The following GOLT1A variants were observed in gnomAD, a reference collection of about 807,000 sequenced individuals.
GOLT1A encodes the protein golgi transport 1A.
In GOLT1A, 10 loss-of-function variants were observed where a neutral mutation model predicts 16.1. That is an observed-to-expected ratio of 0.62 (90% CI 0.38 to 1.05). The LOEUF (loss-of-function observed/expected upper bound fraction) is 1.05. Among genes scored for constraint, GOLT1A ranks in the 50% least tolerant of loss-of-function variants. GOLT1A has a pLI of 0.01. For missense variants in GOLT1A, 137 were observed against 165.7 expected (o/e 0.83, Z 0.95); for synonymous variants, 60 against 67.9 (o/e 0.88, Z 0.57).
chr1:204,198,821 A>C, intron 4 of GOLT1A: 1 of 485,798 alleles, frequency 2.1e-6, no homozygotes, highest in South Asian at 3.0e-5. Context: ...ATCAGCTGTC[A>C]TACATTCTCT....
chr1:204,211,210 C>T (rs1659132671), intron 1 of GOLT1A, among the ~76,000 whole-genome samples: 2 of 152,172 alleles, frequency 1.3e-5, no homozygotes, highest in Non-Finnish European at 2.9e-5. Flanking sequence ...AACATACAAC[C>T]TGATCATGTT....
rs1249706924 is a variant in GOLT1A at position 204,209,079 on chromosome 1, C to T, written c.25+4803G>A. 5.3e-5 allele frequency among the ~76,000 whole-genome samples: 8 copies of T among 152,198 alleles called. 1 individual carries two copies. The highest frequency in any genetic ancestry group is 1.2e-4 in the Non-Finnish European group (8 of 68,034). On this transcript the variant is annotated intron_variant, in intron 1 of 4. Transcript: ENST00000308302. ...GTCTGGAACAGCTCCTTGGTCTTTC[C>T]TTGGCATGACCTTGACACTTTTGAA...
chr1:204,211,224 A>C (rs1406745012), intron 1 of GOLT1A, among the ~76,000 whole-genome samples: 2 of 151,962 alleles, frequency 1.3e-5, no homozygotes, highest in Non-Finnish European at 2.9e-5. Context: ...TCATGTTAGC[A>C]TACTGCCTAG....
intron 3 of GOLT1A, among the ~76,000 whole-genome samples, chr1:204,200,892 T>A (rs1658946537): frequency 6.6e-6 from 1 of 152,184 alleles, no homozygotes; most frequent in African/African-American, 2.4e-5. Flanking sequence ...TGTAGACATA[T>A]GAAGTCTTCC....
rs774786008 is a variant in GOLT1A, at chr1:204,204,103, T to C, written c.26-1116A>G. Among the ~76,000 whole-genome samples, 179 of 152,234 alleles carry C rather than the reference T, an allele frequency of 1.2e-3. 7 individuals carry two copies. Among genetic ancestry groups the C allele is most frequent in the Admixed American group, 1.5e-3 (23 of 15,288 alleles). ...ATTTTACTTATCTTTGCCACTATGA[T>C]AGTCAATAAATAAAAATTCATTCTG... On this transcript the variant is annotated intron_variant, in intron 1 of 4. Transcript: ENST00000308302.
At chr1:204,201,919 C>T in intron 2 of GOLT1A, 108 bp from the exon 3 acceptor site, 1 of 983,784 alleles carries the variant, frequency 1.0e-6, no homozygotes, top group Non-Finnish European at 1.5e-6. Context: ...GCTAACTGTT[C>T]AAGACCATCT....
chr1:204,199,181 C>T lies in GOLT1A; in HGVS notation c.360+14G>A, dbSNP rs909969026. 2 of 1,584,312 alleles carry T rather than the reference C, an allele frequency of 1.3e-6. No homozygotes were observed. Among genetic ancestry groups the T allele is most frequent in the African/African-American group, 2.7e-5 (2 of 74,708 alleles). ...CAGGGTACGCCCGCAGGGCTGCAGG[C>T]ATCATCTGCTTACCGCACCCAGGAA... On this transcript the variant is annotated intron_variant, in intron 4 of 4. Coordinates refer to ENST00000308302, the MANE Select transcript of GOLT1A (RefSeq NM_198447.2).
intron 3 of GOLT1A, among the ~76,000 whole-genome samples, chr1:204,200,872 C>T (rs1051958353): frequency 6.6e-6 from 1 of 152,146 alleles, no homozygotes; most frequent in African/African-American, 2.4e-5. Context: ...CTATTCTCTC[C>T]ACACCACCGT....
intron 1 of GOLT1A, among the ~76,000 whole-genome samples, chr1:204,208,801 A>G (rs946224609): frequency 6.6e-6 from 1 of 151,956 alleles, no homozygotes; most frequent in East Asian, 1.9e-4. Context: ...AAATCACACT[A>G]AAGAACTTAT....
intron 1 of GOLT1A, among the ~76,000 whole-genome samples, chr1:204,210,088 TAA>T (rs1198747170): frequency 6.6e-6 from 1 of 151,970 alleles, no homozygotes; most frequent in Non-Finnish European, 1.5e-5. Flanking sequence ...AAACAAAAAA[TAA>T]AAAGTGCCTT....
At chr1:204,204,004 T>C (rs1380619677) in intron 1 of GOLT1A, among the ~76,000 whole-genome samples, 2 of 152,156 alleles carry the variant, frequency 1.3e-5, no homozygotes, top group Non-Finnish European at 2.9e-5. Context: ...ATCGCTCCCC[T>C]CAAGACGATT....
chr1:204,213,256 G>A (rs1659166523), intron 1 of GOLT1A, among the ~76,000 whole-genome samples: 1 of 152,146 alleles, frequency 6.6e-6, no homozygotes, highest in South Asian at 2.1e-4. Flanking sequence ...CACAGTGCTT[G>A]GCACACAGCA....
At chr1:204,211,614 A>G (rs1056164053) in intron 1 of GOLT1A, among the ~76,000 whole-genome samples, 2 of 152,150 alleles carry the variant, frequency 1.3e-5, no homozygotes, top group Admixed American at 1.3e-4. Flanking sequence ...GTAAGAGTAT[A>G]TTACTTGCAG....
chr1:204,206,536 T>C (rs929280363), intron 1 of GOLT1A, among the ~76,000 whole-genome samples: 2 of 152,252 alleles, frequency 1.3e-5, no homozygotes, highest in African/African-American at 4.8e-5. Flanking sequence ...ACCACAGTCA[T>C]CTTTCTTTAA....
intron 1 of GOLT1A, among the ~76,000 whole-genome samples, chr1:204,206,737 C>T (rs149899911): frequency 0.01 from 1,599 of 152,330 alleles, 12 homozygotes; most frequent in Admixed American, 0.015. Context: ...TTTTGTTGAA[C>T]TTTCTATATG....
Position 204,198,417 on chromosome 1 carries a change from C to G in GOLT1A, c.*41G>C, listed in dbSNP as rs774592252. On this transcript the variant is annotated 3_prime_UTR_variant, in exon 5 of 5. Coordinates refer to ENST00000308302, the MANE Select transcript of GOLT1A (RefSeq NM_198447.2). The stretch of plus-strand genomic sequence containing the variant: ...TGGTTCCCATTCTCCCTCTAGCCCC[C>G]TCAACCAATGATCCAAGTTCAAGGA... 2.5e-6 allele frequency: 4 copies of G among 1,602,736 alleles called. No individual in the cohort carries two copies. Among genetic ancestry groups the G allele is most frequent in the Non-Finnish European group, 3.4e-6 (4 of 1,170,170 alleles).
Position 204,213,982 on chromosome 1 carries a change from T to C in GOLT1A, c.-76A>G, listed in dbSNP as rs950752939. 6 of 1,532,398 alleles carry C rather than the reference T, an allele frequency of 3.9e-6. No homozygotes were observed. Among genetic ancestry groups the C allele is most frequent in the Middle Eastern group, 1.7e-4 (1 of 5,950 alleles). 94.9% of individuals were successfully genotyped at this position (1,532,398 alleles called of 1,614,324 possible). A position where few individuals can be genotyped will look rare whatever the true frequency, so the allele number is the denominator to read the frequency against. ...TGGCCCAGAGGACGCAGCTGGTACATGGTCACGGGAAGCTGACCCTTGGTT... is the reference window on the plus strand; with the variant it reads ...TGGCCCAGAGGACGCAGCTGGTACACGGTCACGGGAAGCTGACCCTTGGTT... On this transcript the variant is annotated 5_prime_UTR_variant, in exon 1 of 5. The change abolishes an upstream ATG in the 5' untranslated region. Coordinates refer to ENST00000308302, the MANE Select transcript of GOLT1A (RefSeq NM_198447.2).
At chr1:204,207,638 C>G (rs964939348) in intron 1 of GOLT1A, among the ~76,000 whole-genome samples, 15 of 152,344 alleles carry the variant, frequency 9.8e-5, no homozygotes, top group African/African-American at 3.4e-4. Flanking sequence ...GCAGATGAGT[C>G]CTTCTGGCCT....
intron 1 of GOLT1A, among the ~76,000 whole-genome samples, chr1:204,208,438 A>G (rs1263431878): frequency 6.8e-4 from 53 of 77,920 alleles, no homozygotes; most frequent in South Asian, 1.1e-3. Context: ...ATATGTATAC[A>G]TATGTGTGTA....
Sources: allele counts gnomAD v4.1 joint callset (sites outside exome capture counted in the v4.1 genomes callset), GRCh38; gene constraint gnomAD v4.1.1; transcripts MANE v1.5; gene names NCBI Gene and HGNC (gene_info 2026-07-23, HGNC 2026-07-21).